Variants in ADAM32 observed in about 807,000 individuals in gnomAD.
The protein encoded by ADAM32 is ADAM metallopeptidase domain 32.
In ADAM32, 89 loss-of-function variants were observed where a neutral mutation model predicts 114.9. The ratio of observed to expected loss-of-function variants is 0.77; its 90% CI spans 0.65 to 0.92. The LOEUF (loss-of-function observed/expected upper bound fraction) is 0.92. Among genes scored for constraint, ADAM32 ranks in the 40% least tolerant of loss-of-function variants. The pLI is 0.00. For synonymous variants in ADAM32, 285 were observed against 307.5 expected (o/e 0.93, Z 0.77); for missense variants, 870 against 932.8 (o/e 0.93, Z 0.88).
At chr8:39,239,900 C>T (rs957612708) in intron 16 of ADAM32, among the ~76,000 whole-genome samples, 9 of 152,196 alleles carry the variant, frequency 5.9e-5, no homozygotes, top group African/African-American at 2.2e-4. Flanking sequence ...TACATATACA[C>T]CTAACACTAG....
intron 23 of ADAM32, 57 bp from the exon 24 acceptor site, chr8:39,283,529 T>C (rs532077881): frequency 5.2e-6 from 7 of 1,353,516 alleles, no homozygotes; most frequent in African/African-American, 4.7e-5. Context: ...AAATACAACA[T>C]AAGTTTGACA....
chr8:39,172,998 G>A (rs1377097517), intron 10 of ADAM32, among the ~76,000 whole-genome samples: 2 of 152,168 alleles, frequency 1.3e-5, no homozygotes, highest in South Asian at 2.1e-4. Context: ...AGTGGCTCAC[G>A]CCTATAATCC....
intron 2 of ADAM32, among the ~76,000 whole-genome samples, chr8:39,131,655 T>C (rs1264750332): frequency 6.6e-6 from 1 of 152,214 alleles, no homozygotes; most frequent in East Asian, 1.9e-4. Context: ...TGGTATTTAA[T>C]GTGTGTGCAC....
intron 2 of ADAM32, among the ~76,000 whole-genome samples, chr8:39,133,859 C>A (rs537892412): frequency 4.5e-4 from 68 of 152,288 alleles, no homozygotes; most frequent in African/African-American, 1.6e-3. Flanking sequence ...TTGGGTGGGC[C>A]GGTCCTCAGA....
At chr8:39,267,725 G>C (rs772036967) in intron 19 of ADAM32, among the ~76,000 whole-genome samples, 1 of 152,218 alleles carries the variant, frequency 6.6e-6, no homozygotes, top group Non-Finnish European at 1.5e-5. Flanking sequence ...CCCTGCTACT[G>C]TGTCATGCCT....
intron 16 of ADAM32, among the ~76,000 whole-genome samples, chr8:39,238,292 G>A (rs1171740733): frequency 6.6e-6 from 1 of 152,218 alleles, no homozygotes; most frequent in Non-Finnish European, 1.5e-5. Flanking sequence ...TGAAAGTCCA[G>A]TAGCTCCACT....
At chr8:39,267,199 C>T (rs1023353225) in intron 19 of ADAM32, among the ~76,000 whole-genome samples, 11 of 152,214 alleles carry the variant, frequency 7.2e-5, no homozygotes, top group South Asian at 2.1e-4. Flanking sequence ...TGTGCCCATG[C>T]GTACTGGTGA....
At chr8:39,197,741 C>CT (rs1218561410) in intron 11 of ADAM32, among the ~76,000 whole-genome samples, 1 of 152,110 alleles carries the variant, frequency 6.6e-6, no homozygotes, top group Non-Finnish European at 1.5e-5. Flanking sequence ...AACATGTGGA[C>CT]TATGCTGGAG....
intron 16 of ADAM32, among the ~76,000 whole-genome samples, chr8:39,240,632 G>A (rs1485415138): frequency 2.6e-5 from 4 of 152,208 alleles, no homozygotes; most frequent in Non-Finnish European, 4.4e-5. Flanking sequence ...CATGGCAGAA[G>A]GTGAAAGGCA....
At chr8:39,156,645 A>G (rs1804169241) in intron 6 of ADAM32, among the ~76,000 whole-genome samples, 1 of 152,076 alleles carries the variant, frequency 6.6e-6, no homozygotes, top group Non-Finnish European at 1.5e-5. Flanking sequence ...AAGGATATGT[A>G]TTTTTTCACA....
intron 12 of ADAM32, among the ~76,000 whole-genome samples, chr8:39,216,584 C>A (rs1808581918): frequency 6.7e-6 from 1 of 150,290 alleles, no homozygotes; most frequent in Non-Finnish European, 1.5e-5. Context: ...GATTTAATTT[C>A]TTGCTTTTTA....
At chr8:39,131,771 T>G (rs547992125) in intron 2 of ADAM32, among the ~76,000 whole-genome samples, 1 of 152,340 alleles carries the variant, frequency 6.6e-6, no homozygotes, top group African/African-American at 2.4e-5. Flanking sequence ...TTGTCTGATA[T>G]TAGTATAACT....
chr8:39,186,436 C>T (rs906963717), intron 10 of ADAM32, among the ~76,000 whole-genome samples: 4 of 152,114 alleles, frequency 2.6e-5, no homozygotes, highest in African/African-American at 9.7e-5. Context: ...TCATACCAGT[C>T]ACTGTGTCAA....
intron 14 of ADAM32, among the ~76,000 whole-genome samples, chr8:39,228,490 A>G (rs1203224976): frequency 6.6e-6 from 1 of 152,198 alleles, no homozygotes; most frequent in Non-Finnish European, 1.5e-5. Context: ...GAAAAAACAT[A>G]AAAAATTCTG....
chr8:39,225,213 A>T (rs1809273397), intron 14 of ADAM32, among the ~76,000 whole-genome samples: 1 of 152,164 alleles, frequency 6.6e-6, no homozygotes, highest in Non-Finnish European at 1.5e-5. Context: ...GTGTGCACTC[A>T]TACGTCAGTC....
intron 19 of ADAM32, among the ~76,000 whole-genome samples, chr8:39,257,962 C>T (rs1585663234): frequency 6.6e-6 from 1 of 152,076 alleles, no homozygotes; most frequent in South Asian, 2.1e-4. Flanking sequence ...CCCCTTCCCT[C>T]CCTGTAGAGG....
At chr8:39,207,185 G>GT (rs1362802122) in intron 11 of ADAM32, among the ~76,000 whole-genome samples, 2 of 151,866 alleles carry the variant, frequency 1.3e-5, no homozygotes, top group Non-Finnish European at 2.9e-5. Context: ...CATCTCAGAA[G>GT]TTTTTTTTGT....
chr8:39,275,890 TTTTATATAA>T, intron 22 of ADAM32, 24 bp downstream of exon 22: 1 of 1,532,682 alleles, frequency 6.5e-7, no homozygotes, highest in South Asian at 1.3e-5. Context: ...GGGGCATTTT[TTTTATATAA>T]TAAGTATATG....
intron 2 of ADAM32, among the ~76,000 whole-genome samples, chr8:39,135,053 G>T (rs1306438419): frequency 6.6e-6 from 1 of 152,196 alleles, no homozygotes; most frequent in African/African-American, 2.4e-5. Context: ...TCCTCGGGAG[G>T]CTGAGGCAGG....
Sources: gnomAD v4.1 joint callset for allele counts (sites outside exome capture counted in the v4.1 genomes callset) on GRCh38, gnomAD v4.1.1 for gene constraint, MANE v1.5 for transcripts, NCBI Gene and HGNC (gene_info 2026-07-23, HGNC 2026-07-21) for gene names.